Variants in ZNF251 observed in about 807,000 individuals in gnomAD.
ZNF251 encodes zinc finger protein 251.
In ZNF251, 14 loss-of-function variants were observed where a neutral mutation model predicts 13.5. The ratio of observed to expected loss-of-function variants is 1.04; its 90% CI spans 0.69 to 1.63. The LOEUF (loss-of-function observed/expected upper bound fraction) is 1.63. Among genes scored for constraint, ZNF251 ranks in the 40% most tolerant of loss-of-function variants. The pLI is 0.00. For synonymous variants in ZNF251, 287 were observed against 295.2 expected (o/e 0.97, Z 0.28); for missense variants, 764 against 834.9 (o/e 0.92, Z 1.05).
Position 144,722,908 on chromosome 8 carries a change from T to C in ZNF251, c.752A>G (p.Asn251Ser). The change falls in exon 5 of 5, where the codon AAT becomes AGT. Residue 251 changes from asparagine to serine, a missense_variant. Physicochemically the swap from Asn to Ser is conservative, Grantham distance 46. Transcript: ENST00000292562. The surrounding 1 kb of genome is among the most constrained non-coding windows in gnomAD (Gnocchi z 4.8). ...RCGRAFTHSS[N>S]LVLHHHIHTG... is the part of the protein sequence containing the mutation. The stretch of plus-strand genomic sequence containing the variant: ...GTGAATGTGATGGTGCAGAACAAGA[T>C]TTGAGCTGTGAGTAAAGGCTCGCCC... 6.2e-7 allele frequency: 1 copy of C among 1,613,924 alleles called. No homozygotes were observed. Among genetic ancestry groups the C allele is most frequent in the Non-Finnish European group, 8.5e-7 (1 of 1,179,884 alleles).
At chr8:144,730,319 G>A (rs1006487167) in intron 4 of ZNF251, among the ~76,000 whole-genome samples, 2 of 152,154 alleles carry the variant, frequency 1.3e-5, no homozygotes, top group Non-Finnish European at 2.9e-5. Flanking sequence ...GCGACGGGGC[G>A]TCCCGGGGGT....
chr8:144,732,546 C>T (rs548803439), intron 4 of ZNF251, among the ~76,000 whole-genome samples: 45 of 152,310 alleles, frequency 3.0e-4, no homozygotes, highest in Middle Eastern at 3.4e-3. Flanking sequence ...GGCGCGGTGG[C>T]TCACGCCTGT....
intron 4 of ZNF251, among the ~76,000 whole-genome samples, chr8:144,746,096 C>T (rs1489581024): frequency 6.6e-6 from 1 of 152,180 alleles, no homozygotes; most frequent in African/African-American, 2.4e-5. Flanking sequence ...TCCACTTCTT[C>T]GTTGCCAGTA....
chr8:144,732,589 A>G (rs188388595), intron 4 of ZNF251, among the ~76,000 whole-genome samples: 7,848 of 146,800 alleles, frequency 0.053, 984 homozygotes, highest in East Asian at 0.51. Context: ...AAGGCGGGGG[A>G]ATCACGAGGT....
chr8:144,732,578 C>A (rs541811334), intron 4 of ZNF251, among the ~76,000 whole-genome samples: 9 of 150,240 alleles, frequency 6.0e-5, no homozygotes, highest in Non-Finnish European at 1.0e-4. Flanking sequence ...TTGGGGAGGC[C>A]AAGGCGGGGG....
rs905921531 is a variant in ZNF251 at position 144,721,803 on chromosome 8, C to T, written c.1857G>A (p.Gln619=). ...CATACACACTGCAATGACATGGTTTCTGACCAGTGTGAGTTACCTGATGTT... is the reference window on the plus strand; with the variant it reads ...CATACACACTGCAATGACATGGTTTTTGACCAGTGTGAGTTACCTGATGTT... The part of the protein sequence containing the change: ...LIQHQVTHTG[Q]KPCHCSVYGK... The change falls in exon 5 of 5, where the codon CAG becomes CAA. Residue 619 remains glutamine (Q), a synonymous_variant. Transcript: ENST00000292562. 4 of 1,491,662 alleles carry T rather than the reference C, an allele frequency of 2.7e-6. No homozygotes were observed. In the Admixed American group the frequency reaches 9.4e-5, roughly 35 times the overall value. 92.4% of individuals were successfully genotyped at this position (1,491,662 alleles called of 1,614,324 possible).
At chr8:144,729,537 T>C (rs1361829635) in intron 4 of ZNF251, among the ~76,000 whole-genome samples, 3 of 151,880 alleles carry the variant, frequency 2.0e-5, no homozygotes, top group Non-Finnish European at 4.4e-5. Context: ...GGGGTTTCAC[T>C]GTGTTAACCA....
chr8:144,724,175 C>T lies in ZNF251; in HGVS notation c.278-793G>A, dbSNP rs573606094. 4.9e-5 allele frequency among the ~76,000 whole-genome samples: 7 copies of T among 141,582 alleles called. No individual in the cohort carries two copies. In the East Asian group the frequency reaches 7.0e-4, roughly 14 times the overall value. 92.9% of individuals were successfully genotyped at this position (141,582 alleles called of 152,430 possible). ...AGGAGAATGGCGTGAACCCAGGAGGCGGAGCGAACCCGGGAGGCAGAGCTT... is the reference window on the plus strand; with the variant it reads ...AGGAGAATGGCGTGAACCCAGGAGGTGGAGCGAACCCGGGAGGCAGAGCTT... On this transcript the variant is annotated intron_variant, in intron 4 of 4. Coordinates refer to ENST00000292562, the MANE Select transcript of ZNF251 (RefSeq NM_138367.2).
At chr8:144,724,385 C>T (rs1009919546) in intron 4 of ZNF251, among the ~76,000 whole-genome samples, 1 of 151,882 alleles carries the variant, frequency 6.6e-6, no homozygotes, top group Non-Finnish European at 1.5e-5. Context: ...GGCTGGAGTG[C>T]CACGGTGCAA....
chr8:144,752,135 CAAA>C (rs745386892), intron 4 of ZNF251, among the ~76,000 whole-genome samples: 5 of 86,182 alleles, frequency 5.8e-5, no homozygotes, highest in Non-Finnish European at 1.0e-4. Context: ...ATAACTAGAC[CAAA>C]AAAAAAAAAA....
rs1363166414 is a variant in ZNF251 at position 144,721,391 on chromosome 8, G to A, written c.*253C>T. The A allele has an allele frequency of 9.7e-6, 4 of 411,458 alleles. No homozygotes were observed. Among genetic ancestry groups the A allele is most frequent in the African/African-American group, 6.1e-5 (3 of 48,884 alleles). 25.5% of individuals were successfully genotyped at this position (411,458 alleles called of 1,614,324 possible). On this transcript the variant is annotated 3_prime_UTR_variant, in exon 5 of 5. Coordinates refer to ENST00000292562, the MANE Select transcript of ZNF251 (RefSeq NM_138367.2). ...CACTTTTCACGCCCTCCATCCATTC[G>A]TCATGAGTATCCGGATACAGCACCA...
intron 2 of ZNF251, 76 bp downstream of exon 2, chr8:144,754,620 G>A (rs1456032490): frequency 9.2e-6 from 14 of 1,520,664 alleles, no homozygotes; most frequent in African/African-American, 1.4e-5. Flanking sequence ...CCGGGCTCAC[G>A]GCTCCAGAGG....
chr8:144,732,581 G>T (rs920675165), intron 4 of ZNF251, among the ~76,000 whole-genome samples: 17 of 152,132 alleles, frequency 1.1e-4, no homozygotes, highest in Non-Finnish European at 1.8e-4. Context: ...GGGAGGCCAA[G>T]GCGGGGGAAT....
intron 4 of ZNF251, among the ~76,000 whole-genome samples, chr8:144,751,325 C>A (rs1237511172): frequency 6.6e-6 from 1 of 152,174 alleles, no homozygotes; most frequent in South Asian, 2.1e-4. Flanking sequence ...GGCCTTTTTC[C>A]TTTTCCTTTT....
At chr8:144,728,665 A>C (rs1823593817) in intron 4 of ZNF251, among the ~76,000 whole-genome samples, 1 of 150,778 alleles carries the variant, frequency 6.6e-6, no homozygotes, top group South Asian at 2.1e-4. Flanking sequence ...TCCGTCTCAA[A>C]AAAAAAAAAA....
chr8:144,742,880 C>A (rs1237893625), intron 4 of ZNF251, among the ~76,000 whole-genome samples: 1 of 152,086 alleles, frequency 6.6e-6, no homozygotes, highest in Non-Finnish European at 1.5e-5. Flanking sequence ...ATGAAGCCAG[C>A]CCTCTGGACA....
Sources: allele counts gnomAD v4.1 joint callset (sites outside exome capture counted in the v4.1 genomes callset), GRCh38; gene constraint gnomAD v4.1.1; non-coding constraint Gnocchi (gnomAD v3.1); transcripts MANE v1.5; gene names NCBI Gene and HGNC (gene_info 2026-07-23, HGNC 2026-07-21).